The following CTNND2 variants were observed in gnomAD, a reference collection of about 807,000 sequenced individuals.
CTNND2 encodes catenin delta-2.
CTNND2 carries 22 observed loss-of-function variants against 144.4 expected under a neutral mutation model. The ratio of observed to expected loss-of-function variants is 0.15; its 90% CI spans 0.11 to 0.22. The LOEUF is 0.22. Ranked by LOEUF, CTNND2 falls within the 10% of genes least tolerant of loss-of-function variation. The pLI, the probability that CTNND2 is intolerant of heterozygous loss-of-function variation, is 1.00. For missense variants in CTNND2, 1,353 were observed against 1,618.8 expected, an observed-to-expected ratio of 0.84 and a Z score of 2.82; for synonymous variants, 751 against 695.6, an observed-to-expected ratio of 1.08 and a Z score of -1.25.
chr5:11,878,972 A>C (rs1002564707), intron 1 of CTNND2, among the ~76,000 whole-genome samples: 2 of 152,140 alleles, frequency 1.3e-5, no homozygotes, highest in African/African-American at 4.8e-5. Context: ...GGGTTCTTCA[A>C]GGCCTCCTCG....
chr5:11,780,561 T>G (rs1790492182), intron 1 of CTNND2, among the ~76,000 whole-genome samples: 1 of 152,140 alleles, frequency 6.6e-6, no homozygotes, highest in African/African-American at 2.4e-5. Context: ...ATCTCTGAGC[T>G]AGACTCCACA....
intron 1 of CTNND2, among the ~76,000 whole-genome samples, chr5:11,736,028 A>G (rs1341110635): frequency 6.6e-6 from 1 of 152,158 alleles, no homozygotes; most frequent in African/African-American, 2.4e-5. Flanking sequence ...TATTTTTGAC[A>G]AAGAAATTGT....
At chr5:11,347,482 C>T (rs1431361619) in intron 8 of CTNND2, among the ~76,000 whole-genome samples, 1 of 152,106 alleles carries the variant, frequency 6.6e-6, no homozygotes, top group African/African-American at 2.4e-5. Context: ...TTTTTAGATC[C>T]TTTCATGTCA....
intron 9 of CTNND2, among the ~76,000 whole-genome samples, chr5:11,345,056 G>C (rs1198546537): frequency 1.3e-5 from 2 of 151,938 alleles, no homozygotes; most frequent in South Asian, 4.1e-4. Flanking sequence ...TTGTCTTTTA[G>C]CATTTCTTAA....
chr5:11,718,492 C>T (rs116350460), intron 2 of CTNND2, among the ~76,000 whole-genome samples: 210 of 152,244 alleles, frequency 1.4e-3, no homozygotes, highest in African/African-American at 4.9e-3. Flanking sequence ...TTGATTTCCC[C>T]AAAGCCTCTT....
rs1437069590 is a variant in CTNND2 at position 11,904,114 on chromosome 5, G to A, written c.-261C>T. On this transcript the variant is annotated 5_prime_UTR_variant, in exon 1 of 22. Transcript: ENST00000304623. This position sits in a 1 kb window ranked among gnomAD's most constrained non-coding sequence, Gnocchi z 4.2. ...GCAGCGCCCCCTGCCCGGCTCCGCG[G>A]GCTCCACGGGCTCCTGCGGGCTCCT... 5 of 154,976 alleles carry A rather than the reference G, an allele frequency of 3.2e-5. No homozygotes were observed. The highest frequency in any genetic ancestry group is 1.2e-4 in the African/African-American group (5 of 40,982). 9.6% of individuals were successfully genotyped at this position (154,976 alleles called of 1,614,324 possible).
intron 5 of CTNND2, among the ~76,000 whole-genome samples, chr5:11,405,673 A>G (rs1049356881): frequency 1.3e-5 from 2 of 152,012 alleles, no homozygotes; most frequent in Non-Finnish European, 2.9e-5. Flanking sequence ...GAAGGATTTT[A>G]TTATTTCCTG....
intron 16 of CTNND2, among the ~76,000 whole-genome samples, chr5:11,037,306 T>C (rs1744190482): frequency 6.6e-6 from 1 of 152,182 alleles, no homozygotes; most frequent in Admixed American, 6.6e-5. Flanking sequence ...TTTCTGATTT[T>C]TTGTCACACG....
chr5:11,198,638 G>A (rs1202590338), intron 11 of CTNND2, among the ~76,000 whole-genome samples: 2 of 152,230 alleles, frequency 1.3e-5, no homozygotes, highest in Non-Finnish European at 2.9e-5. Context: ...AATACTTGCT[G>A]ATGGGGTACT....
At chr5:11,792,147 A>G (rs948489980) in intron 1 of CTNND2, among the ~76,000 whole-genome samples, 1 of 152,180 alleles carries the variant, frequency 6.6e-6, no homozygotes, top group Admixed American at 6.5e-5. Flanking sequence ...TCCAATGATA[A>G]TCAGTTTAAA....
intron 11 of CTNND2, among the ~76,000 whole-genome samples, chr5:11,171,510 C>T (rs1759910570): frequency 6.6e-6 from 1 of 152,084 alleles, no homozygotes; most frequent in South Asian, 2.1e-4. Context: ...TGCATATTTT[C>T]CTCCAAACAT....
rs370772388 is a variant in CTNND2, at chr5:11,061,717, T to TA, written c.2788+20978_2788+20979insT. On this transcript the variant is annotated intron_variant, in intron 16 of 21. Transcript: ENST00000304623. The stretch of plus-strand genomic sequence containing the variant: ...GAAAGTAGATATTGTTTTCTTTCTC[T>TA]TTTTTTTTTAGACAAAGTTTTGTTC... Among the ~76,000 whole-genome samples, 787 of 124,228 alleles carry TA rather than the reference T, an allele frequency of 6.3e-3. 4 individuals are homozygous for TA. Among genetic ancestry groups the TA allele is most frequent in the Non-Finnish European group, 9.7e-3 (607 of 62,744 alleles). The allele number at this position is 124,228 out of a possible 152,430, so 81.5% of individuals were successfully genotyped here. A position where few individuals can be genotyped will look rare whatever the true frequency, so the allele number is the denominator to read the frequency against.
At chr5:11,097,559 G>A (rs1459289572) in intron 15 of CTNND2, among the ~76,000 whole-genome samples, 2 of 152,186 alleles carry the variant, frequency 1.3e-5, no homozygotes, top group African/African-American at 2.4e-5. Context: ...CTGTAGCTTG[G>A]ACTGTAGTAA....
chr5:11,830,639 T>C (rs1793850128), intron 1 of CTNND2, among the ~76,000 whole-genome samples: 1 of 152,158 alleles, frequency 6.6e-6, no homozygotes, highest in Non-Finnish European at 1.5e-5. Flanking sequence ...AATATGTCTT[T>C]ATCAGCAGCG....
At chr5:11,185,687 CT>C (rs1274299714) in intron 11 of CTNND2, among the ~76,000 whole-genome samples, 2 of 152,182 alleles carry the variant, frequency 1.3e-5, no homozygotes, top group Non-Finnish European at 2.9e-5. Context: ...GAGTTTCATC[CT>C]CTAACGGATA....
At position 11,544,182 on chromosome 5, in the gene CTNND2, C is replaced by CTT. The variant is rs35642044; in HGVS notation, c.287+20760_287+20761dup. ...TTATTCCAAGGCAGATTTTTTTTTT[C>CTT]TTTTTTTTTTGAGACGGAGTCTCCC... On this transcript the variant is annotated intron_variant, in intron 3 of 21. Coordinates refer to ENST00000304623, the MANE Select transcript of CTNND2 (RefSeq NM_001332.4). Among the ~76,000 whole-genome samples the CTT allele has an allele frequency of 4.1e-5, 6 of 145,818 alleles. No individual in the cohort carries two copies. In the East Asian group the frequency reaches 9.9e-4, roughly 24 times the overall value.
At chr5:11,196,505 G>A (rs1012339888) in intron 11 of CTNND2, among the ~76,000 whole-genome samples, 1 of 152,182 alleles carries the variant, frequency 6.6e-6, no homozygotes. Context: ...CGGGAGAATT[G>A]CAAAGGAAGT....
intron 12 of CTNND2, among the ~76,000 whole-genome samples, chr5:11,132,495 G>A (rs540501185): frequency 3.9e-5 from 6 of 152,168 alleles, no homozygotes; most frequent in African/African-American, 7.2e-5. Flanking sequence ...CCCTCTTTCC[G>A]CTGTGTGAAG....
intron 2 of CTNND2, among the ~76,000 whole-genome samples, chr5:11,659,100 A>G (rs1490750145): frequency 6.6e-6 from 1 of 152,160 alleles, no homozygotes; most frequent in Non-Finnish European, 1.5e-5. Context: ...CCACAGATTC[A>G]ACCAACGGCA....
Sources: allele counts gnomAD v4.1 joint callset (sites outside exome capture counted in the v4.1 genomes callset), GRCh38; gene constraint gnomAD v4.1.1; non-coding constraint Gnocchi (gnomAD v3.1); transcripts MANE v1.5; gene names NCBI Gene and HGNC (gene_info 2026-07-23, HGNC 2026-07-21).